The following SCARA3 variants were observed in gnomAD, a reference collection of about 807,000 sequenced individuals.
SCARA3 encodes the protein scavenger receptor class A member 3.
Under a neutral mutation model 47.0 loss-of-function variants are expected in SCARA3, and 39 were observed. That is an observed-to-expected ratio of 0.83 (90% CI 0.64 to 1.08). SCARA3 has a LOEUF of 1.08. Ranked by LOEUF, SCARA3 falls within the 50% of genes least tolerant of loss-of-function variation. The probability of loss-of-function intolerance (pLI) is 0.00; values close to 1 mark genes in which losing one functional copy is unlikely to be tolerated. For synonymous variants in SCARA3, 356 were observed against 334.1 expected, an observed-to-expected ratio of 1.07 and a Z score of -0.71; for missense variants, 724 against 792.3, an observed-to-expected ratio of 0.91 and a Z score of 1.04.
chr8:27,703,879 T>C, the SCARA3 span: 1 of 96,658 alleles, frequency 1.0e-5, no homozygotes, highest in East Asian at 3.4e-4. Context: ...TTTTTTACAG[T>C]GAGAAAAAAA....
At chr8:27,676,460 C>T (rs116322673), downstream of SCARA3, 940 of 1,218,686 alleles carry the variant, frequency 7.7e-4, 10 homozygotes, top group African/African-American at 0.013. Context: ...TTCCCTGAGG[C>T]CTTTTCCCTA....
Position 27,658,734 on chromosome 8 carries a change from C to A in SCARA3, c.564C>A (p.Phe188Leu). 6.2e-7 allele frequency: 1 copy of A among 1,614,160 alleles called. No individual in the cohort carries two copies. The highest frequency in any genetic ancestry group is 8.5e-7 in the Non-Finnish European group (1 of 1,180,014). Residue 188 changes from phenylalanine to leucine, a missense_variant, in exon 5 of 6, where the codon TTC (phenylalanine) becomes TTA (leucine). Coordinates refer to ENST00000301904, the MANE Select transcript of SCARA3 (RefSeq NM_016240.3). ...AGGTTAACCAGTCTCTGGGGCTCTT[C>A]CTGGCCCAGGTGAGAGGCTGGCAGG... Reference protein sequence around the residue: ...IHQVNQSLGLFLAQVRGWQAT... With the variant: ...IHQVNQSLGLLLAQVRGWQAT...
chr8:27,642,912 G>C (rs1365961727), intron 1 of SCARA3, among the ~76,000 whole-genome samples: 1 of 152,226 alleles, frequency 6.6e-6, no homozygotes, highest in South Asian at 2.1e-4. Context: ...GGGGAGTCGG[G>C]GGGGTTGGTG....
chr8:27,671,151 G>A lies in SCARA3; in HGVS notation c.1621G>A (p.Gly541Arg). 5.2e-6 allele frequency: 8 copies of A among 1,547,238 alleles called. No individual in the cohort carries two copies. Among genetic ancestry groups the A allele is most frequent in the Non-Finnish European group, 7.0e-6 (8 of 1,149,088 alleles). The part of the protein sequence containing the change: ...GGPRGQPGPK[G>R]DIGPPGPEGP... The stretch of plus-strand genomic sequence containing the variant: ...GCCGAGAGGACAGCCAGGCCCAAAA[G>A]GGGACATAGGGCCCCCAGGGCCAGA... Residue 541 changes from glycine to arginine, a missense_variant, in exon 6 of 6, where the codon GGG becomes AGG. By Grantham distance (125) the Gly-to-Arg change is moderately radical. Coordinates refer to ENST00000301904, the MANE Select transcript of SCARA3 (RefSeq NM_016240.3).
At chr8:27,723,357 C>T in the SCARA3 span, among the ~76,000 whole-genome samples, 10 of 152,242 alleles carry the variant, frequency 6.6e-5, no homozygotes, top group East Asian at 1.2e-3. Flanking sequence ...CTAAATGGAC[C>T]GACTACAAAA....
At chr8:27,730,422 G>T in the SCARA3 span, among the ~76,000 whole-genome samples, 1 of 151,400 alleles carries the variant, frequency 6.6e-6, no homozygotes, top group Non-Finnish European at 1.5e-5. Flanking sequence ...CACTGCTTCC[G>T]CCAGGCCTAG....
At chr8:27,688,705 A>C in the SCARA3 span, among the ~76,000 whole-genome samples, 1 of 152,178 alleles carries the variant, frequency 6.6e-6, no homozygotes. Flanking sequence ...ACAAGATTCA[A>C]TAGTGAATAT....
chr8:27,676,673 G>T, downstream of SCARA3: 1 of 872,076 alleles, frequency 1.1e-6, no homozygotes, highest in Non-Finnish European at 1.9e-6. Flanking sequence ...TATCCTTAAT[G>T]GTAAGCATCA....
the SCARA3 span, among the ~76,000 whole-genome samples, chr8:27,696,770 G>A: frequency 6.6e-6 from 1 of 152,054 alleles, no homozygotes; most frequent in Non-Finnish European, 1.5e-5. Context: ...GTGAACCACT[G>A]AGCCTGACCA....
chr8:27,673,446 G>A (rs917422071), downstream of SCARA3, among the ~76,000 whole-genome samples: 4 of 152,256 alleles, frequency 2.6e-5, no homozygotes, highest in South Asian at 2.1e-4. Context: ...TTACGGAAGA[G>A]GACAGCCGGA....
intron 4 of SCARA3, among the ~76,000 whole-genome samples, 158 bp from the exon 5 acceptor site, chr8:27,658,338 A>G (rs1317041105): frequency 6.6e-6 from 1 of 152,230 alleles, no homozygotes; most frequent in Admixed American, 6.5e-5. Context: ...AGAGGTGGCA[A>G]GGCTTTTTCA....
the SCARA3 span, among the ~76,000 whole-genome samples, chr8:27,688,061 T>G: frequency 6.6e-6 from 1 of 152,120 alleles, no homozygotes; most frequent in African/African-American, 2.4e-5. Flanking sequence ...ATCTGATGGC[T>G]TCTTTAGTCA....
At chr8:27,647,551 G>C (rs1467375226) in intron 1 of SCARA3, among the ~76,000 whole-genome samples, 4 of 152,296 alleles carry the variant, frequency 2.6e-5, no homozygotes, top group South Asian at 2.1e-4. Context: ...CTCTGTGCCG[G>C]CCACTGTGCT....
At chr8:27,720,593 A>C in the SCARA3 span, among the ~76,000 whole-genome samples, 1 of 151,860 alleles carries the variant, frequency 6.6e-6, no homozygotes, top group African/African-American at 2.4e-5. Context: ...TTTCTGTTCC[A>C]GCTGATCTCT....
chr8:27,664,888 G>T (rs1801984147), intron 5 of SCARA3, among the ~76,000 whole-genome samples: 1 of 152,160 alleles, frequency 6.6e-6, no homozygotes, highest in African/African-American at 2.4e-5. Context: ...TTTAAATTGT[G>T]TCTACTGGCC....
the SCARA3 span, among the ~76,000 whole-genome samples, chr8:27,709,188 GA>G: frequency 6.6e-6 from 1 of 152,236 alleles, no homozygotes; most frequent in Non-Finnish European, 1.5e-5. Context: ...GCATTCTCCA[GA>G]AGCCCAAGTT....
At chr8:27,692,278 G>A in the SCARA3 span, among the ~76,000 whole-genome samples, 1 of 152,176 alleles carries the variant, frequency 6.6e-6, no homozygotes, top group South Asian at 2.1e-4. Context: ...AAATTAGCCG[G>A]GTGTGGTGGC....
At chr8:27,648,715 C>T (rs995971495) in intron 1 of SCARA3, among the ~76,000 whole-genome samples, 1 of 151,982 alleles carries the variant, frequency 6.6e-6, no homozygotes, top group Non-Finnish European at 1.5e-5. Flanking sequence ...TACAGACATA[C>T]TGCTAAGTGC....
chr8:27,716,311 A>G, the SCARA3 span, among the ~76,000 whole-genome samples: 87 of 151,818 alleles, frequency 5.7e-4, no homozygotes, highest in African/African-American at 1.6e-3. Flanking sequence ...ATCTCTCTAT[A>G]TAAATATCTC....
Sources: allele counts gnomAD v4.1 joint callset (sites outside exome capture counted in the v4.1 genomes callset), GRCh38; gene constraint gnomAD v4.1.1; transcripts MANE v1.5; gene names NCBI Gene and HGNC (gene_info 2026-07-23, HGNC 2026-07-21).